ANKRD33B: variants seen among roughly 807,000 people sequenced by gnomAD.
ANKRD33B encodes the protein ankyrin repeat domain 33B.
Under a neutral mutation model 21.5 loss-of-function variants are expected in ANKRD33B, and 6 were observed. The ratio of observed to expected loss-of-function variants is 0.28; its 90% CI spans 0.15 to 0.55. The LOEUF (loss-of-function observed/expected upper bound fraction) is 0.55. Ranked by LOEUF, ANKRD33B falls within the 20% of genes least tolerant of loss-of-function variation. The probability of loss-of-function intolerance (pLI) is 0.94; values close to 1 mark genes in which losing one functional copy is unlikely to be tolerated. For missense variants in ANKRD33B, 698 were observed against 747.2 expected (o/e 0.93, Z 0.77); for synonymous variants, 347 against 342.4 (o/e 1.01, Z -0.15).
chr5:10,635,803 G>A (rs1430549954), intron 2 of ANKRD33B, among the ~76,000 whole-genome samples: 1 of 152,244 alleles, frequency 6.6e-6, no homozygotes, highest in East Asian at 1.9e-4. Flanking sequence ...CCCTCAGGGT[G>A]TGGCTGGGGA....
intron 2 of ANKRD33B, among the ~76,000 whole-genome samples, chr5:10,635,267 C>T (rs1310348618): frequency 6.6e-6 from 1 of 152,138 alleles, no homozygotes; most frequent in Non-Finnish European, 1.5e-5. Flanking sequence ...TTACTATGCC[C>T]CTGGTTAAAT....
rs991371938 is a variant in ANKRD33B at position 10,576,066 on chromosome 5, T to C, written c.366+11233T>C. 6.6e-6 allele frequency among the ~76,000 whole-genome samples: 1 copy of C among 152,146 alleles called. No individual in the cohort carries two copies. The highest frequency in any genetic ancestry group is 6.5e-5 in the Admixed American group (1 of 15,274). On this transcript the variant is annotated intron_variant, in intron 1 of 3. Coordinates refer to ENST00000296657, the MANE Select transcript of ANKRD33B (RefSeq NM_001164440.2). The surrounding 1 kb of genome is among the most constrained non-coding windows in gnomAD (Gnocchi z 4.1). ...TCCAGCAATGTCAAGTTCGTGGCAT[T>C]GTTATTGTACAGTAATTGTGGAAGA...
intron 2 of ANKRD33B, 142 bp downstream of exon 2, chr5:10,618,604 G>A (rs1736343496): frequency 1.6e-6 from 2 of 1,262,128 alleles, no homozygotes; most frequent in Non-Finnish European, 2.1e-6. Flanking sequence ...GGGAAGGGCT[G>A]ATTGCTGTGA....
chr5:10,605,741 C>G (rs377490853), intron 1 of ANKRD33B, among the ~76,000 whole-genome samples: 13 of 152,196 alleles, frequency 8.5e-5, no homozygotes, highest in African/African-American at 3.1e-4. Context: ...GTTGGCCAGG[C>G]TGGTCTCGAA....
At chr5:10,595,139 G>T (rs1560967990) in intron 1 of ANKRD33B, among the ~76,000 whole-genome samples, 2 of 152,162 alleles carry the variant, frequency 1.3e-5, no homozygotes, top group Non-Finnish European at 2.9e-5. Context: ...CCAGAGGGAG[G>T]TGCTGTGTTG....
rs1000222233 is a variant in ANKRD33B, at chr5:10,649,736, C to T, written c.1108C>T (p.Arg370Trp). The T allele has an allele frequency of 4.7e-6, 7 of 1,478,752 alleles. No individual in the cohort carries two copies. Among genetic ancestry groups the T allele is most frequent in the Non-Finnish European group, 6.3e-6 (7 of 1,118,872 alleles). The allele number at this position is 1,478,752 out of a possible 1,614,324, so 91.6% of individuals were successfully genotyped here. ...GGTGGGGGGCGCGGGGCAGCGCGGGCGGACCGGACAGGAGGACGCGGACTC... is the reference window on the plus strand; with the variant it reads ...GGTGGGGGGCGCGGGGCAGCGCGGGTGGACCGGACAGGAGGACGCGGACTC... ...DEVGGAGQRGRTGQEDADSRE... is the reference protein window; with the variant it reads ...DEVGGAGQRGWTGQEDADSRE... The change falls in exon 4 of 4, where the codon CGG becomes TGG. Residue 370 changes from arginine to tryptophan, a missense_variant. By Grantham distance (101) the Arg-to-Trp change is moderately radical. Coordinates refer to ENST00000296657, the MANE Select transcript of ANKRD33B (RefSeq NM_001164440.2).
intron 1 of ANKRD33B, among the ~76,000 whole-genome samples, chr5:10,578,628 T>C (rs1332830381): frequency 6.6e-6 from 1 of 152,176 alleles, no homozygotes; most frequent in Non-Finnish European, 1.5e-5. Flanking sequence ...AAATGTAGAT[T>C]AAATACATTT....
chr5:10,564,818 T>G lies in ANKRD33B; in HGVS notation c.351T>G (p.Thr117=). 1 of 1,508,552 alleles carries G rather than the reference T, an allele frequency of 6.6e-7. No homozygotes were observed. The highest frequency in any genetic ancestry group is 8.9e-7 in the Non-Finnish European group (1 of 1,129,384). The allele number at this position is 1,508,552 out of a possible 1,614,324, so 93.4% of individuals were successfully genotyped here. The change falls in exon 1 of 4, where the codon ACT becomes ACG. Residue 117 remains threonine, a synonymous_variant. Transcript: ENST00000296657. The part of the protein sequence containing the change: ...RGVSVEEAQE[T]DRNGRTGLIV... ...TGAGCGTCGAGGAGGCGCAGGAGAC[T>G]GACCGCAACGGCAGGGTAAGCGGGC...
At chr5:10,632,214 A>T (rs1313360704) in intron 2 of ANKRD33B, among the ~76,000 whole-genome samples, 1 of 151,796 alleles carries the variant, frequency 6.6e-6, no homozygotes, top group Non-Finnish European at 1.5e-5. Flanking sequence ...GGGAAAGCCG[A>T]GGGACTTCCC....
chr5:10,572,303 G>A (rs1487067053), intron 1 of ANKRD33B, among the ~76,000 whole-genome samples: 1 of 152,156 alleles, frequency 6.6e-6, no homozygotes, highest in Admixed American at 6.5e-5. Context: ...GGAGCAGGGG[G>A]TTCCCTGCTG....
chr5:10,641,303 A>G (rs2126604585), intron 3 of ANKRD33B, among the ~76,000 whole-genome samples: 1 of 137,390 alleles, frequency 7.3e-6, no homozygotes, highest in East Asian at 2.1e-4. Context: ...ATCTCGGCTC[A>G]CTGCAACCTC....
chr5:10,606,252 A>G (rs935196484), intron 1 of ANKRD33B, among the ~76,000 whole-genome samples: 1 of 152,198 alleles, frequency 6.6e-6, no homozygotes. Context: ...CTAAAGGGAA[A>G]TTGTTTTGAA....
Position 10,564,734 on chromosome 5 carries a change from C to T in ANKRD33B, c.267C>T (p.Leu89=), listed in dbSNP as rs814576. 0.99 allele frequency: 1,521,227 copies of T among 1,532,466 alleles called. 755,423 individuals carry two copies. The highest frequency in any genetic ancestry group is 1 in the East Asian group (40,802 of 40,802). The allele number at this position is 1,532,466 out of a possible 1,614,324, so 94.9% of individuals were successfully genotyped here. ...VPESVPETAT[L]LRAACANNVG... ...AAAGCGTCCCGGAGACGGCGACCCTCCTGCGCGCCGCCTGCGCCAACAACG... is the reference window on the plus strand; with the variant it reads ...AAAGCGTCCCGGAGACGGCGACCCTTCTGCGCGCCGCCTGCGCCAACAACG... The change falls in exon 1 of 4, where the codon CTC becomes CTT. Residue 89 remains leucine (L), a synonymous_variant. Coordinates refer to ENST00000296657, the MANE Select transcript of ANKRD33B (RefSeq NM_001164440.2).
chr5:10,589,891 A>G (rs1043522912), intron 1 of ANKRD33B, among the ~76,000 whole-genome samples: 14 of 151,142 alleles, frequency 9.3e-5, no homozygotes, highest in Middle Eastern at 3.5e-3. Flanking sequence ...ATTCACACAC[A>G]TTAGACCTTT....
At chr5:10,580,447 A>G (rs1307497913) in intron 1 of ANKRD33B, among the ~76,000 whole-genome samples, 1 of 152,166 alleles carries the variant, frequency 6.6e-6, no homozygotes, top group Non-Finnish European at 1.5e-5. Flanking sequence ...CAAACCCTCC[A>G]GCGGATTATG....
chr5:10,596,815 CAA>C (rs1735828195), intron 1 of ANKRD33B, among the ~76,000 whole-genome samples: 1 of 152,090 alleles, frequency 6.6e-6, no homozygotes, highest in Non-Finnish European at 1.5e-5. Context: ...AGGTTACCCA[CAA>C]AGAGAATCCC....
intron 2 of ANKRD33B, among the ~76,000 whole-genome samples, chr5:10,632,358 G>C (rs1211404341): frequency 6.6e-6 from 1 of 152,176 alleles, no homozygotes; most frequent in Non-Finnish European, 1.5e-5. Context: ...CAACCGGGAA[G>C]CACAGGAGCA....
In ANKRD33B at chr5:10,641,371, G is replaced by A. The variant is rs867931186; in HGVS notation, c.637+3203G>A. Among the ~76,000 whole-genome samples the A allele has an allele frequency of 4.0e-4, 61 of 151,840 alleles. 1 individual carries two copies. The highest frequency in any genetic ancestry group is 2.7e-3 in the Admixed American group (41 of 15,256). ...AGCCTCCCGAGTAGCTGGGATTACA[G>A]GCACCTGCCACCACGCACAGCTAAT... On this transcript the variant is annotated intron_variant, in intron 3 of 3. Coordinates refer to ENST00000296657, the MANE Select transcript of ANKRD33B (RefSeq NM_001164440.2).
At chr5:10,590,799 TCAGCAC>T (rs1246322127) in intron 1 of ANKRD33B, among the ~76,000 whole-genome samples, 1 of 152,106 alleles carries the variant, frequency 6.6e-6, no homozygotes, top group Non-Finnish European at 1.5e-5. Context: ...GCTTGGTTTC[TCAGCAC>T]CCAGCCTTAC....
Sources: allele counts gnomAD v4.1 joint callset (sites outside exome capture counted in the v4.1 genomes callset), GRCh38; gene constraint gnomAD v4.1.1; non-coding constraint Gnocchi (gnomAD v3.1); transcripts MANE v1.5; gene names NCBI Gene and HGNC (gene_info 2026-07-23, HGNC 2026-07-21).